PILRA: variants seen among roughly 807,000 people sequenced by gnomAD.
PILRA encodes paired immunoglobulin-like type 2 receptor alpha.
PILRA carries 37 observed loss-of-function variants against 33.1 expected under a neutral mutation model. The observed-to-expected ratio is 1.12, with a 90% CI of 0.86 to 1.47. The LOEUF (loss-of-function observed/expected upper bound fraction) is 1.47. Among genes scored for constraint, PILRA ranks in the 40% most tolerant of loss-of-function variants. The pLI is 0.00. For missense variants in PILRA, 312 were observed against 376.2 expected, an observed-to-expected ratio of 0.83 and a Z score of 1.41; for synonymous variants, 146 against 149.9, an observed-to-expected ratio of 0.97 and a Z score of 0.19.
chr7:100,377,473 C>T (rs912942952), intron 2 of PILRA, among the ~76,000 whole-genome samples: 1 of 151,728 alleles, frequency 6.6e-6, no homozygotes, highest in South Asian at 2.1e-4. Context: ...GATCTCCTGA[C>T]GTCGTGATCT....
At chr7:100,372,014 G>A (rs1406862762), upstream of PILRA, among the ~76,000 whole-genome samples, 1 of 152,202 alleles carries the variant, frequency 6.6e-6, no homozygotes, top group Non-Finnish European at 1.5e-5. Context: ...ACATTGGACA[G>A]CCTGGTAAGC....
At chr7:100,384,403 C>T (rs1380281391) in intron 2 of PILRA, among the ~76,000 whole-genome samples, 1 of 147,674 alleles carries the variant, frequency 6.8e-6, no homozygotes, top group African/African-American at 2.5e-5. Flanking sequence ...AATGGAACCC[C>T]GTCTCTACCA....
intron 3 of PILRA, among the ~76,000 whole-genome samples, chr7:100,393,296 A>G (rs944613826): frequency 2.0e-5 from 3 of 152,028 alleles, no homozygotes; most frequent in Non-Finnish European, 4.4e-5. Flanking sequence ...AAAAAAAAAA[A>G]TTAAAATCAA....
At chr7:100,374,551 C>A in intron 2 of PILRA, 118 bp downstream of exon 2, 2 of 1,214,462 alleles carry the variant, frequency 1.6e-6, no homozygotes, top group East Asian at 2.4e-5. Context: ...TAAGTTCTCT[C>A]TTTGGCCCCT....
chr7:100,382,686 C>G (rs578151638), intron 2 of PILRA, among the ~76,000 whole-genome samples: 3 of 152,190 alleles, frequency 2.0e-5, no homozygotes, highest in Non-Finnish European at 2.9e-5. Flanking sequence ...GGCTCTGGTT[C>G]TCTTCTACGG....
At chr7:100,375,759 C>CAA (rs1387894406) in intron 2 of PILRA, among the ~76,000 whole-genome samples, 1 of 152,024 alleles carries the variant, frequency 6.6e-6, no homozygotes, top group Non-Finnish European at 1.5e-5. Flanking sequence ...AACAAACAAA[C>CAA]ACAATGAAAG....
In PILRA at chr7:100,399,799, C is replaced by T; in HGVS notation, c.804C>T (p.Val268=). The T allele has an allele frequency of 6.2e-7, 1 of 1,611,554 alleles. No individual in the cohort carries two copies. The highest frequency in any genetic ancestry group is 8.5e-7 in the Non-Finnish European group (1 of 1,178,668). The part of the protein sequence containing the change: ...PKLNPKDDGI[V]YASLALSSST... The stretch of plus-strand genomic sequence containing the variant: ...TTCTCGCCCAGGATGACGGCATCGT[C>T]TATGCTTCCCTTGCCCTCTCCAGCT... Residue 268 remains valine (V), a synonymous_variant, in exon 7 of 7, where the codon GTC becomes GTT. Coordinates refer to ENST00000198536, the MANE Select transcript of PILRA (RefSeq NM_013439.3).
At chr7:100,393,172 TG>T (rs1563121805) in intron 3 of PILRA, among the ~76,000 whole-genome samples, 1 of 151,808 alleles carries the variant, frequency 6.6e-6, no homozygotes, top group Non-Finnish European at 1.5e-5. Context: ...CCCAGCTACT[TG>T]GGGGGCTGAG....
Position 100,399,612 on chromosome 7 carries a change from G to C in PILRA, c.789G>C (p.Lys263Asn). The stretch of plus-strand genomic sequence containing the variant: ...ATACAGATCCCAAGCTAAATCCCAA[G>C]GTAAGCAATCAGACCAGGGCCTGAA... ...GQNTDPKLNP[K>N]DDGIVYASLA... Residue 263 changes from lysine (K) to asparagine (N), a missense_variant and splice_region_variant, in exon 6 of 7, where the codon AAG becomes AAC. Transcript: ENST00000198536. The C allele has an allele frequency of 6.2e-7, 1 of 1,614,062 alleles. No individual in the cohort carries two copies. The highest frequency in any genetic ancestry group is 8.5e-7 in the Non-Finnish European group (1 of 1,180,002).
chr7:100,379,296 C>G (rs1027546591), intron 2 of PILRA, among the ~76,000 whole-genome samples: 1 of 151,560 alleles, frequency 6.6e-6, no homozygotes, highest in Admixed American at 6.6e-5. Context: ...AGGAGAATCC[C>G]TTGAACCCAG....
intron 2 of PILRA, chr7:100,376,485 T>G (rs1174940480): frequency 3.4e-5 from 5 of 146,354 alleles, no homozygotes; most frequent in African/African-American, 1.0e-4. Flanking sequence ...AAAAAGTGTT[T>G]TTTTTTTTTT....
intron 2 of PILRA, among the ~76,000 whole-genome samples, chr7:100,377,186 T>TGGTTACAAAAG (rs1790970104): frequency 6.6e-6 from 1 of 151,996 alleles, no homozygotes; most frequent in African/African-American, 2.4e-5. Flanking sequence ...AATTTTACTT[T>TGGTTACAAAAG]TGTAACCAAA....
intron 5 of PILRA, 116 bp downstream of exon 5, chr7:100,399,456 C>T: frequency 7.2e-7 from 1 of 1,382,680 alleles, no homozygotes; most frequent in Non-Finnish European, 1.0e-6. Context: ...CATTCCTTGC[C>T]CCTTGCCCTC....
intron 2 of PILRA, chr7:100,376,362 T>A (rs1289216260): frequency 6.6e-6 from 1 of 152,148 alleles, no homozygotes; most frequent in Non-Finnish European, 1.5e-5. Flanking sequence ...CCTCTCTGCA[T>A]AGGTCAGATT....
intron 3 of PILRA, among the ~76,000 whole-genome samples, chr7:100,390,832 T>C (rs1256893952): frequency 6.6e-6 from 1 of 151,908 alleles, no homozygotes; most frequent in Non-Finnish European, 1.5e-5. Context: ...GGAGAGGACC[T>C]TGGAAATCAC....
At position 100,373,520 on chromosome 7, in the gene PILRA, T is replaced by C. The variant is rs1790863628; in HGVS notation, c.-137T>C. The C allele has an allele frequency of 1.5e-5, 14 of 911,628 alleles. No homozygotes were observed. The highest frequency in any genetic ancestry group is 2.7e-5 in the South Asian group (2 of 74,188). The allele number at this position is 911,628 out of a possible 1,614,324, so 56.5% of individuals were successfully genotyped here. On this transcript the variant is annotated 5_prime_UTR_variant, in exon 1 of 7. Coordinates refer to ENST00000198536, the MANE Select transcript of PILRA (RefSeq NM_013439.3). ...GGTGCACTGGTTTGGGGAAGGCTCC[T>C]GGCCCCCACAGCCCTCTTCGGAGCC...
Position 100,383,589 on chromosome 7 carries a change from G to A in PILRA, c.455-6299G>A, listed in dbSNP as rs183341065. ...CTTTTGCTCTGAGTGCCATGGGAGC[G>A]AAGGAGCGTTTCCTGCAGGAGTGCT... is the stretch of plus-strand genomic sequence containing the variant. On this transcript the variant is annotated intron_variant, in intron 2 of 6. Coordinates refer to ENST00000198536, the MANE Select transcript of PILRA (RefSeq NM_013439.3). 1.1e-4 allele frequency among the ~76,000 whole-genome samples: 17 copies of A among 152,118 alleles called. No homozygotes were observed. The South Asian group carries it at 1.9e-3, about 17-fold the overall frequency.
chr7:100,399,569 T>C lies in PILRA; in HGVS notation c.758-12T>C, dbSNP rs1309439967. On this transcript the variant is annotated splice_polypyrimidine_tract_variant and intron_variant, in intron 5 of 6. Coordinates refer to ENST00000198536, the MANE Select transcript of PILRA (RefSeq NM_013439.3). ...CCACCTGACCTTGGCACACCTTGCT[T>C]TTTATTCTTAGGACAAAATACAGAT... The C allele has an allele frequency of 4.3e-6, 7 of 1,614,000 alleles. No homozygotes were observed. In the East Asian group the frequency reaches 1.3e-4, roughly 31 times the overall value.
rs1235414328 is a variant in PILRA at position 100,379,202 on chromosome 7, G to GTGACCAGTT, written c.454+4772_454+4780dup. ...GCTGATCACCTGAGGCCAGGAGTTC[G>GTGACCAGTT]TGACCAGTTTGGCCAACATGGTGAA... is the stretch of plus-strand genomic sequence containing the variant. On this transcript the variant is annotated intron_variant, in intron 2 of 6. Coordinates refer to ENST00000198536, the MANE Select transcript of PILRA (RefSeq NM_013439.3). Among the ~76,000 whole-genome samples the GTGACCAGTT allele has an allele frequency of 2.6e-5, 4 of 151,854 alleles. No individual in the cohort carries two copies. The East Asian group carries it at 7.7e-4, about 29-fold the overall frequency.
Sources: allele counts gnomAD v4.1 joint callset (sites outside exome capture counted in the v4.1 genomes callset), GRCh38; gene constraint gnomAD v4.1.1; transcripts MANE v1.5; gene names NCBI Gene and HGNC (gene_info 2026-07-23, HGNC 2026-07-21).